The following LRRIQ1 variants were observed in gnomAD, a reference collection of about 807,000 sequenced individuals.
LRRIQ1 encodes leucine rich repeats and IQ motif containing 1.
LRRIQ1 carries 210 observed loss-of-function variants against 211.9 expected under a neutral mutation model. The observed-to-expected ratio is 0.99, with a 90% CI of 0.89 to 1.11. LRRIQ1 has a LOEUF of 1.11. LRRIQ1 is among the 50% of genes most tolerant of loss of function. The pLI is 0.00. For missense variants in LRRIQ1, 2,136 were observed against 1,939.5 expected, an observed-to-expected ratio of 1.10 and a Z score of -1.90; for synonymous variants, 699 against 650.1, an observed-to-expected ratio of 1.08 and a Z score of -1.14.
At chr12:85,141,278 T>C (rs1448118267) in intron 19 of LRRIQ1, among the ~76,000 whole-genome samples, 1 of 151,104 alleles carries the variant, frequency 6.6e-6, no homozygotes, top group Non-Finnish European at 1.5e-5. Flanking sequence ...AAGTTTATGG[T>C]TTTTTTTCTT....
Position 85,124,112 on chromosome 12 carries a change from T to C in LRRIQ1, c.3600T>C (p.Tyr1200=), listed in dbSNP as rs747017918. 1.2e-6 allele frequency: 2 copies of C among 1,613,848 alleles called. No homozygotes were observed. The highest frequency in any genetic ancestry group is 1.7e-6 in the Non-Finnish European group (2 of 1,179,760). ...TLDTAENLCH[Y]FKKLMILSTE... is the part of the protein sequence containing the mutation. ...ATACTGCAGAAAATCTCTGTCATTA[T>C]TTTAAGAAATTGATGATACTTAGTA... is the stretch of plus-strand genomic sequence containing the variant. Residue 1200 remains tyrosine, a synonymous_variant, in exon 17 of 27, where the codon TAT becomes TAC. Coordinates refer to ENST00000393217, the MANE Select transcript of LRRIQ1 (RefSeq NM_001079910.2).
intron 11 of LRRIQ1, among the ~76,000 whole-genome samples, chr12:85,078,832 GA>G (rs59646255): frequency 1.4e-3 from 206 of 151,824 alleles, no homozygotes; most frequent in Non-Finnish European, 1.8e-3. Flanking sequence ...CCAAGTAGTC[GA>G]AAAAAAATTT....
intron 11 of LRRIQ1, among the ~76,000 whole-genome samples, chr12:85,092,215 C>T (rs964939708): frequency 6.6e-6 from 1 of 152,146 alleles, no homozygotes; most frequent in Non-Finnish European, 1.5e-5. Flanking sequence ...TGGCAAGTAA[C>T]AATCAAACTG....
chr12:85,051,088 G>T (rs1441296387), intron 6 of LRRIQ1, among the ~76,000 whole-genome samples: 1 of 151,932 alleles, frequency 6.6e-6, no homozygotes, highest in Non-Finnish European at 1.5e-5. Flanking sequence ...TGAATAGCTT[G>T]GTGCTCTCCC....
At chr12:85,261,499 T>G (rs1896285421) in intron 1 of LRRIQ1, among the ~76,000 whole-genome samples, 1 of 151,978 alleles carries the variant, frequency 6.6e-6, no homozygotes, top group Non-Finnish European at 1.5e-5. Context: ...TGAATTTATA[T>G]TTTTTAAATA....
downstream of LRRIQ1, among the ~76,000 whole-genome samples, chr12:85,249,925 A>C (rs923544800): frequency 6.6e-6 from 1 of 151,938 alleles, no homozygotes; most frequent in Non-Finnish European, 1.5e-5. Context: ...AATCTCTCTT[A>C]AAAGCCCTAA....
At chr12:85,212,884 C>T (rs1893904446) in intron 24 of LRRIQ1, among the ~76,000 whole-genome samples, 1 of 149,342 alleles carries the variant, frequency 6.7e-6, no homozygotes. Flanking sequence ...TGCCACACTA[C>T]TAGAAAGAAA....
intron 8 of LRRIQ1, among the ~76,000 whole-genome samples, chr12:85,057,857 A>T (rs777127382): frequency 2.0e-5 from 3 of 152,118 alleles, no homozygotes; most frequent in Admixed American, 6.6e-5. Flanking sequence ...GAAAGCACTT[A>T]TGATTAAAAT....
intron 26 of LRRIQ1, 161 bp downstream of exon 26, chr12:85,232,917 T>A: frequency 1.8e-6 from 1 of 555,428 alleles, no homozygotes; most frequent in Admixed American, 3.7e-5. Context: ...ACATGTTTTC[T>A]TGACTTGTAA....
intron 11 of LRRIQ1, among the ~76,000 whole-genome samples, chr12:85,086,264 A>C (rs1307174660): frequency 6.6e-6 from 1 of 152,036 alleles, no homozygotes; most frequent in African/African-American, 2.4e-5. Context: ...TTCCTACCCA[A>C]ATCTCATATT....
chr12:85,268,631 AT>A (rs1321566571), downstream of LRRIQ1, among the ~76,000 whole-genome samples: 1 of 151,952 alleles, frequency 6.6e-6, no homozygotes, highest in African/African-American at 2.4e-5. Context: ...AATACATAAA[AT>A]AAGGTGGTTT....
intron 11 of LRRIQ1, among the ~76,000 whole-genome samples, chr12:85,087,103 C>G (rs1474080207): frequency 2.0e-5 from 3 of 152,078 alleles, no homozygotes; most frequent in Admixed American, 1.3e-4. Flanking sequence ...TCCCCCCACC[C>G]CACGACAGGC....
intron 18 of LRRIQ1, among the ~76,000 whole-genome samples, chr12:85,129,780 C>T (rs1429672036): frequency 2.6e-5 from 4 of 152,108 alleles, no homozygotes; most frequent in Non-Finnish European, 5.9e-5. Context: ...TGGAAAGACA[C>T]TGGTGGAATT....
At chr12:85,121,542 A>G (rs1318417781) in intron 15 of LRRIQ1, among the ~76,000 whole-genome samples, 155 bp from the exon 16 acceptor site, 1 of 152,188 alleles carries the variant, frequency 6.6e-6, no homozygotes, top group African/African-American at 2.4e-5. Context: ...AACAACAACA[A>G]AAACAAAATC....
intron 11 of LRRIQ1, among the ~76,000 whole-genome samples, chr12:85,090,196 C>G (rs1170382936): frequency 1.3e-5 from 2 of 152,362 alleles, no homozygotes; most frequent in East Asian, 3.9e-4. Flanking sequence ...CTGGCAGCCT[C>G]TGCCTAGGTA....
At chr12:85,069,412 T>A (rs1389184327) in intron 10 of LRRIQ1, among the ~76,000 whole-genome samples, 1 of 152,164 alleles carries the variant, frequency 6.6e-6, no homozygotes, top group Non-Finnish European at 1.5e-5. Context: ...CATGTGCATG[T>A]GTCTTTATAA....
chr12:85,095,239 T>C (rs1885769057), intron 11 of LRRIQ1, among the ~76,000 whole-genome samples: 2 of 152,286 alleles, frequency 1.3e-5, no homozygotes, highest in Non-Finnish European at 2.9e-5. Context: ...ATTATAATCT[T>C]GGTTGTGTCT....
chr12:85,177,809 A>G (rs977750391), intron 24 of LRRIQ1, among the ~76,000 whole-genome samples: 1 of 152,146 alleles, frequency 6.6e-6, no homozygotes, highest in African/African-American at 2.4e-5. Context: ...GAAGGAAACA[A>G]GAGTAAACAC....
At chr12:85,125,653 G>A (rs965431781) in intron 17 of LRRIQ1, among the ~76,000 whole-genome samples, 1 of 152,082 alleles carries the variant, frequency 6.6e-6, no homozygotes, top group Admixed American at 6.6e-5. Context: ...GCTAGGTTAA[G>A]TAATTTGATA....
Sources: allele counts gnomAD v4.1 joint callset (sites outside exome capture counted in the v4.1 genomes callset), GRCh38; gene constraint gnomAD v4.1.1; transcripts MANE v1.5; gene names NCBI Gene and HGNC (gene_info 2026-07-23, HGNC 2026-07-21).